Variants in THOC2 observed in about 807,000 individuals in gnomAD.
THOC2 encodes the protein THO complex subunit 2.
THOC2 carries 10 observed loss-of-function variants against 128.4 expected under a neutral mutation model. That is an observed-to-expected ratio of 0.08 (90% CI 0.05 to 0.13). THOC2 has a LOEUF of 0.13. Ranked by LOEUF, THOC2 falls within the 10% of genes least tolerant of loss-of-function variation. The pLI is 1.00. For synonymous variants in THOC2, 393 were observed against 396.9 expected, an observed-to-expected ratio of 0.99 and a Z score of 0.12; for missense variants, 535 against 1,155.7, an observed-to-expected ratio of 0.46 and a Z score of 7.79.
At chrX:123,668,098 T>A in intron 10 of THOC2, 61 bp downstream of exon 10, 2 of 905,019 alleles carry the variant, frequency 2.2e-6, no homozygotes, top group East Asian at 6.9e-5. Context: ...TATTTAGAAG[T>A]TAAATTTCAT....
At position 123,686,617 on chromosome X, in the gene THOC2, T is replaced by C. The variant is rs770539761; in HGVS notation, c.699A>G (p.Glu233=). The change falls in exon 8 of 39, where the codon GAA becomes GAG. Residue 233 remains glutamate, a synonymous_variant. Coordinates refer to ENST00000245838, the MANE Select transcript of THOC2 (RefSeq NM_001081550.2). ...EHDDFFISLL[E]SYMSMCEPQT... The stretch of plus-strand genomic sequence containing the variant: ...GCGGTTCACACATACTCATGTAAGA[T>C]TCTAACAAAGATATAAAGAAGTCAT... 8.3e-7 allele frequency: 1 copy of C among 1,208,638 alleles called. No individual in the cohort carries two copies. Among genetic ancestry groups the C allele is most frequent in the Non-Finnish European group, 1.1e-6 (1 of 893,436 alleles).
At chrX:123,616,883 T>C (rs973962495) in intron 33 of THOC2, among the ~76,000 whole-genome samples, 1 of 110,417 alleles carries the variant, frequency 9.1e-6, no homozygotes, top group African/African-American at 3.3e-5. Flanking sequence ...TACCACAAAT[T>C]AGAAAGTAAA....
chrX:123,717,038 A>G (rs1429078487), intron 1 of THOC2, among the ~76,000 whole-genome samples: 1 of 112,140 alleles, frequency 8.9e-6, no homozygotes, highest in Non-Finnish European at 1.9e-5. Context: ...AAGATCAGGT[A>G]CCTGCCCACT....
intron 7 of THOC2, among the ~76,000 whole-genome samples, chrX:123,687,878 A>C (rs899734359): frequency 8.9e-6 from 1 of 111,892 alleles, no homozygotes; most frequent in Non-Finnish European, 1.9e-5. Flanking sequence ...ATATTTTCAT[A>C]AACTCTCCAA....
At chrX:123,651,391 G>T (rs926410202) in intron 12 of THOC2, among the ~76,000 whole-genome samples, 1 of 111,489 alleles carries the variant, frequency 9.0e-6, no homozygotes, top group Non-Finnish European at 1.9e-5. Context: ...ATTAAAAGAA[G>T]TAGAGAAGCA....
chrX:123,646,352 C>G (rs760534242), intron 12 of THOC2, among the ~76,000 whole-genome samples: 3 of 112,242 alleles, frequency 2.7e-5, no homozygotes, highest in African/African-American at 6.5e-5. Context: ...TATAAACAGA[C>G]AGAGGGCTGG....
At chrX:123,708,725 C>T (rs978506308) in intron 2 of THOC2, among the ~76,000 whole-genome samples, 8 of 111,380 alleles carry the variant, frequency 7.2e-5, no homozygotes, top group African/African-American at 2.6e-4. Flanking sequence ...ACAGCAGCAA[C>T]GAATAGTCCC....
intron 12 of THOC2, among the ~76,000 whole-genome samples, chrX:123,663,824 A>G (rs758728198): frequency 9.1e-6 from 1 of 110,420 alleles, no homozygotes; most frequent in Non-Finnish European, 1.9e-5. Context: ...CCTGTGTCCA[A>G]GTGTTCTCCT....
intron 38 of THOC2, among the ~76,000 whole-genome samples, chrX:123,606,725 G>A (rs2046487535): frequency 8.9e-6 from 1 of 112,429 alleles, no homozygotes; most frequent in Non-Finnish European, 1.9e-5. Flanking sequence ...TGTGAGACTG[G>A]AAGGAATGGA....
intron 8 of THOC2, among the ~76,000 whole-genome samples, chrX:123,685,061 T>A (rs1162546758): frequency 8.9e-6 from 1 of 112,414 alleles, no homozygotes; most frequent in African/African-American, 3.2e-5. Flanking sequence ...AAAAGGTAAA[T>A]GGAGGCCTTA....
chrX:123,702,565 ATT>A (rs1215524841), intron 4 of THOC2, among the ~76,000 whole-genome samples: 1 of 105,600 alleles, frequency 9.5e-6, no homozygotes, highest in African/African-American at 3.4e-5. Flanking sequence ...ATACATATAT[ATT>A]ATACACATAT....
chrX:123,634,918 C>T (rs1603254347), intron 19 of THOC2, among the ~76,000 whole-genome samples: 1 of 112,003 alleles, frequency 8.9e-6, no homozygotes, highest in Non-Finnish European at 1.9e-5. Flanking sequence ...ACCTTATGTC[C>T]TCTAAGATCT....
In THOC2 at chrX:123,667,550, C is replaced by T. The variant is rs1425698186; in HGVS notation, c.1018-272G>A. The stretch of plus-strand genomic sequence containing the variant: ...CTCAGAAGTTTGAGACAAGCCTGGG[C>T]AACATGGCGAAATCCCATCTCTACA... On this transcript the variant is annotated intron_variant, in intron 10 of 38. Transcript: ENST00000245838. 1.1e-4 allele frequency among the ~76,000 whole-genome samples: 12 copies of T among 110,554 alleles called. No homozygotes were observed. The Admixed American group carries it at 1.2e-3, about 11-fold the overall frequency.
intron 12 of THOC2, among the ~76,000 whole-genome samples, chrX:123,645,610 T>A (rs1328072021): frequency 8.9e-6 from 1 of 112,413 alleles, no homozygotes; most frequent in East Asian, 2.8e-4. Flanking sequence ...ATAAACCAAT[T>A]CTTTTCTCAA....
At chrX:123,603,782 T>C in intron 38 of THOC2, 1 of 293,535 alleles carries the variant, frequency 3.4e-6, no homozygotes, top group Non-Finnish European at 6.1e-6. Flanking sequence ...CAAGAGCAAG[T>C]GGAAAGAAGA....
chrX:123,609,444 G>A (rs769616086), intron 38 of THOC2, among the ~76,000 whole-genome samples: 9 of 111,744 alleles, frequency 8.1e-5, no homozygotes, highest in Admixed American at 3.8e-4. Flanking sequence ...GCAACCTCTC[G>A]AATCCCTGCT....
In THOC2 at chrX:123,621,516, G is replaced by A. The variant is rs1569332445; in HGVS notation, c.3857C>T (p.Pro1286Leu). The A allele has an allele frequency of 1.7e-6, 2 of 1,187,168 alleles. No homozygotes were observed. Among genetic ancestry groups the A allele is most frequent in the Admixed American group, 2.5e-5 (1 of 40,129 alleles). The part of the protein sequence containing the change: ...EKEKEKKEKT[P>L]ATTPEARVLG... ...TACCCTGGCCTCTGGAGTAGTAGCT[G>A]GAGTCTTTTCTTTTTTCTCTTTTTC... The change falls in exon 31 of 39, where the codon CCA becomes CTA. Residue 1286 changes from proline (P) to leucine (L), a missense_variant. Pro to Leu is a moderately conservative substitution (Grantham distance 98). Transcript: ENST00000245838.
intron 2 of THOC2, among the ~76,000 whole-genome samples, chrX:123,709,032 C>A (rs2051063711): frequency 8.9e-6 from 1 of 112,025 alleles, no homozygotes; most frequent in African/African-American, 3.2e-5. Context: ...TAGGCGTGAG[C>A]CACCAGGCCC....
chrX:123,666,206 A>G (rs1569398433), intron 11 of THOC2, among the ~76,000 whole-genome samples: 1 of 112,393 alleles, frequency 8.9e-6, no homozygotes, highest in Non-Finnish European at 1.9e-5. Context: ...AATGGGCAAC[A>G]AGGGATGGAC....
Sources: allele counts gnomAD v4.1 joint callset (sites outside exome capture counted in the v4.1 genomes callset), GRCh38; gene constraint gnomAD v4.1.1; transcripts MANE v1.5; gene names NCBI Gene and HGNC (gene_info 2026-07-23, HGNC 2026-07-21).